MMEL1: variants seen among roughly 807,000 people sequenced by gnomAD.
MMEL1 encodes the protein membrane metallo-endopeptidase-like 1.
Under a neutral mutation model 117.1 loss-of-function variants are expected in MMEL1, and 98 were observed. That is an observed-to-expected ratio of 0.84 (90% CI 0.71 to 0.99). The LOEUF (loss-of-function observed/expected upper bound fraction) is 0.99, where lower values mean the gene tolerates loss of function less well. Among genes scored for constraint, MMEL1 ranks in the 50% least tolerant of loss-of-function variants. The pLI, the probability that MMEL1 is intolerant of heterozygous loss-of-function variation, is 0.00. For synonymous variants in MMEL1, 390 were observed against 415.1 expected (o/e 0.94, Z 0.74); for missense variants, 1,014 against 1,049.1 (o/e 0.97, Z 0.46).
intron 8 of MMEL1, 34 bp from the exon 9 acceptor site, chr1:2,605,657 G>A (rs371574841): frequency 2.5e-6 from 4 of 1,573,938 alleles, no homozygotes; most frequent in Non-Finnish European, 3.5e-6. Context: ...CTGGGCAAGG[G>A]GCCCGGGGTC....
chr1:2,598,718 C>T lies in MMEL1; in HGVS notation c.1114G>A (p.Val372Met), dbSNP rs778864195. 2.5e-6 allele frequency: 4 copies of T among 1,614,160 alleles called. No individual in the cohort carries two copies. Among genetic ancestry groups the T allele is most frequent in the East Asian group, 4.5e-5 (2 of 44,886 alleles). The change falls in exon 12 of 24, where the codon GTG (valine) becomes ATG (methionine). Residue 372 changes from valine to methionine, a missense_variant. By Grantham distance (21) the Val-to-Met change is conservative (BLOSUM62 1). Transcript: ENST00000378412. ...VKIKLLPDEE[V>M]VVYGIPYLQN... ...AGGTAGGGGATGCCATAGACCACCA[C>T]TTCCTCATCTGGCAGCAGCTTGATT...
chr1:2,618,252 TTCTCTC>T (rs374059827), intron 2 of MMEL1, among the ~76,000 whole-genome samples: 2 of 149,944 alleles, frequency 1.3e-5, no homozygotes, highest in Admixed American at 6.6e-5. Context: ...CTGGCACCTC[TTCTCTC>T]TCTCTCTCTC....
chr1:2,609,240 C>CTAG (rs1645085730), intron 6 of MMEL1, 99 bp downstream of exon 6: 1 of 1,218,650 alleles, frequency 8.2e-7, no homozygotes, highest in African/African-American at 1.5e-5. Context: ...CACTCCTACC[C>CTAG]TAGGGGCAGC....
rs756855438 is a variant in MMEL1 at position 2,598,315 on chromosome 1, T to C, written c.1179-15A>G. The C allele has an allele frequency of 6.2e-6, 10 of 1,612,794 alleles. No homozygotes were observed. Among genetic ancestry groups the C allele is most frequent in the East Asian group, 2.2e-5 (1 of 44,866 alleles). Reference sequence around the variant, plus strand: ...TCTGTATGGTCCTGGGGGCAGAAGGTAGAGGGTGAGGGGAGAACAGGTGAG... The same window carrying C: ...TCTGTATGGTCCTGGGGGCAGAAGGCAGAGGGTGAGGGGAGAACAGGTGAG... On this transcript the variant is annotated splice_polypyrimidine_tract_variant and intron_variant, in intron 12 of 23. Transcript: ENST00000378412.
intron 23 of MMEL1, 55 bp from the exon 24 acceptor site, chr1:2,591,144 C>A: frequency 7.9e-7 from 1 of 1,270,284 alleles, no homozygotes; most frequent in Non-Finnish European, 1.1e-6. Context: ...CAAACATGGC[C>A]ATTTTAAGTT....
intron 11 of MMEL1, among the ~76,000 whole-genome samples, chr1:2,599,138 AT>A: frequency 6.6e-6 from 1 of 152,348 alleles, no homozygotes; most frequent in South Asian, 2.1e-4. Flanking sequence ...TTCCAGACCC[AT>A]TTGGCTTCAC....
intron 2 of MMEL1, among the ~76,000 whole-genome samples, chr1:2,614,518 G>C (rs953651780): frequency 7.2e-5 from 11 of 152,310 alleles, no homozygotes; most frequent in African/African-American, 2.2e-4. Context: ...TGGTCCATGT[G>C]GTGGTGGAGT....
At chr1:2,594,221 G>T (rs3748818) in intron 18 of MMEL1, 164 bp downstream of exon 18, 12 of 863,234 alleles carry the variant, frequency 1.4e-5, no homozygotes, top group Non-Finnish European at 1.7e-5. Context: ...TCATGGGCAC[G>T]GGAGTGAGTG....
chr1:2,607,899 C>A (rs1360022047), intron 6 of MMEL1, among the ~76,000 whole-genome samples: 2 of 152,070 alleles, frequency 1.3e-5, no homozygotes, highest in Non-Finnish European at 2.9e-5. Flanking sequence ...TGTTAGGGGC[C>A]GGATGCCGTG....
At chr1:2,623,722 G>A (rs551111063) in intron 2 of MMEL1, among the ~76,000 whole-genome samples, 429 of 152,340 alleles carry the variant, frequency 2.8e-3, no homozygotes, top group Non-Finnish European at 4.5e-3. Context: ...AGAAAGGCTG[G>A]GGCAGGTCTC....
At position 2,598,255 on chromosome 1, in the gene MMEL1, A is replaced by G. The variant is rs775235244; in HGVS notation, c.1224T>C (p.Ile408=). 3 of 1,614,106 alleles carry G rather than the reference A, an allele frequency of 1.9e-6. No homozygotes were observed. Among genetic ancestry groups the G allele is most frequent in the Non-Finnish European group, 1.7e-6 (2 of 1,180,014 alleles). The part of the protein sequence containing the change: ...YLVWRLVLDR[I]GSLSQRFKDT... ...CCTTGAATCTCTGGCTTAGGCTACC[A>G]ATGCGGTCCAGCACCAGGCGCCAGA... Residue 408 remains isoleucine (I), a synonymous_variant, in exon 13 of 24, where the codon ATT becomes ATC. Transcript: ENST00000378412.
chr1:2,591,200 G>A, intron 23 of MMEL1, 111 bp from the exon 24 acceptor site: 1 of 688,140 alleles, frequency 1.5e-6, no homozygotes, highest in South Asian at 2.0e-5. Flanking sequence ...AATGGCTCAT[G>A]TCAGTATGAG....
At chr1:2,610,585 G>C (rs1389648887) in intron 4 of MMEL1, among the ~76,000 whole-genome samples, 1 of 152,192 alleles carries the variant, frequency 6.6e-6, no homozygotes, top group Non-Finnish European at 1.5e-5. Flanking sequence ...GGTCCCCAGA[G>C]GGAGGGACGA....
At chr1:2,598,857 A>C in intron 11 of MMEL1, 67 bp from the exon 12 acceptor site, 1 of 1,389,244 alleles carries the variant, frequency 7.2e-7, no homozygotes, top group South Asian at 1.3e-5. Context: ...CTGGGAATCT[A>C]AGAAACCCAG....
At chr1:2,623,802 A>G (rs1418203968) in intron 2 of MMEL1, among the ~76,000 whole-genome samples, 1 of 152,214 alleles carries the variant, frequency 6.6e-6, no homozygotes, top group Non-Finnish European at 1.5e-5. Context: ...CTGAGACATG[A>G]AACTATACTC....
rs969445044 is a variant in MMEL1 at position 2,598,211 on chromosome 1, C to A, written c.1268G>T (p.Arg423Leu). 1.2e-6 allele frequency: 2 copies of A among 1,613,828 alleles called. No individual in the cohort carries two copies. The highest frequency in any genetic ancestry group is 8.5e-7 in the Non-Finnish European group (1 of 1,179,808). The stretch of plus-strand genomic sequence containing the variant: ...CTGGGCAGGGAAGGGGCTCACCTTG[C>A]GGTAGTTCACTCGTGTGTCCTTGAA... Reference protein sequence around the residue: ...QRFKDTRVNYRKALFGTMVEE... With the variant: ...QRFKDTRVNYLKALFGTMVEE... Residue 423 changes from arginine to leucine, a missense_variant, in exon 13 of 24, where the codon CGC (arginine) becomes CTC (leucine). By Grantham distance (102) the Arg-to-Leu change is moderately radical (BLOSUM62 -2). Coordinates refer to ENST00000378412, the MANE Select transcript of MMEL1 (RefSeq NM_033467.4).
rs1644813028 is a variant in MMEL1 at position 2,595,143 on chromosome 1, C to G, written c.1584+133G>C. The stretch of plus-strand genomic sequence containing the variant: ...TGAGGGTAGTGCTGGAGCCACCACC[C>G]TAGGGCACGGTGAGGACAGCTGTGT... On this transcript the variant is annotated intron_variant, in intron 16 of 23. Coordinates refer to ENST00000378412, the MANE Select transcript of MMEL1 (RefSeq NM_033467.4). The surrounding 1 kb of genome is among the most constrained non-coding windows in gnomAD (Gnocchi z 4.8). The G allele has an allele frequency of 1.2e-6, 1 of 822,438 alleles. No individual in the cohort carries two copies. 50.9% of individuals were successfully genotyped at this position (822,438 alleles called of 1,614,324 possible).
At chr1:2,608,906 C>CACATATACATATAT (rs61132608) in intron 6 of MMEL1, among the ~76,000 whole-genome samples, 1 of 151,666 alleles carries the variant, frequency 6.6e-6, no homozygotes, top group African/African-American at 2.4e-5. Context: ...CATGCATGAA[C>CACATATACATATAT]ACATATATAC....
intron 2 of MMEL1, among the ~76,000 whole-genome samples, chr1:2,623,178 A>G (rs1460550134): frequency 6.6e-6 from 1 of 152,146 alleles, no homozygotes; most frequent in East Asian, 1.9e-4. Context: ...AAAAAAAAAA[A>G]ACCAAGTTCT....
Sources: gnomAD v4.1 joint callset for allele counts (sites outside exome capture counted in the v4.1 genomes callset) on GRCh38, gnomAD v4.1.1 for gene constraint, Gnocchi (gnomAD v3.1) non-coding constraint, MANE v1.5 for transcripts, NCBI Gene and HGNC (gene_info 2026-07-23, HGNC 2026-07-21) for gene names.